PHF14: variants seen among roughly 807,000 people sequenced by gnomAD.
PHF14 encodes the protein PHD finger protein 14.
Under a neutral mutation model 117.9 loss-of-function variants are expected in PHF14, and 55 were observed. That is an observed-to-expected ratio of 0.47 (90% confidence interval 0.38 to 0.58). The LOEUF is 0.58. Ranked by LOEUF, PHF14 falls within the 20% of genes least tolerant of loss-of-function variation. The probability of loss-of-function intolerance (pLI) is 0.00; values close to 1 mark genes in which losing one functional copy is unlikely to be tolerated. For synonymous variants in PHF14, 409 were observed against 368.6 expected (o/e 1.11, Z -1.26); for missense variants, 978 against 1,122.2 (o/e 0.87, Z 1.84).
chr7:10,974,774 A>T (rs925021450), intron 1 of PHF14, 61 bp from the exon 2 acceptor site: 29 of 859,164 alleles, frequency 3.4e-5, no homozygotes, highest in Non-Finnish European at 4.8e-5. Flanking sequence ...TCTTAGCACC[A>T]CAACTCTCCC....
At chr7:11,151,849 CAT>C (rs1193796943) in intron 17 of PHF14, among the ~76,000 whole-genome samples, 6 of 152,102 alleles carry the variant, frequency 3.9e-5, no homozygotes, top group Admixed American at 3.9e-4. Flanking sequence ...TATTTTAAGA[CAT>C]AAGAACAGTC....
At chr7:11,163,576 C>G (rs76830840) in intron 17 of PHF14, among the ~76,000 whole-genome samples, 12,137 of 152,100 alleles carry the variant, frequency 0.08, 523 homozygotes, top group African/African-American at 0.11. Context: ...ACTTAATGAT[C>G]CAAGTGTTTA....
At chr7:11,000,742 T>A (rs867093221) in intron 4 of PHF14, among the ~76,000 whole-genome samples, 18 of 152,302 alleles carry the variant, frequency 1.2e-4, no homozygotes, top group Middle Eastern at 3.4e-3. Flanking sequence ...TAAGAGTTCC[T>A]TGTATATTTT....
At chr7:11,145,303 A>G (rs992164394) in intron 17 of PHF14, among the ~76,000 whole-genome samples, 3 of 148,292 alleles carry the variant, frequency 2.0e-5, no homozygotes, top group African/African-American at 7.5e-5. Context: ...CTCTTTTTTA[A>G]AATTCCATTG....
chr7:11,070,953 A>C (rs1785596080), intron 16 of PHF14, among the ~76,000 whole-genome samples: 1 of 152,212 alleles, frequency 6.6e-6, no homozygotes, highest in Non-Finnish European at 1.5e-5. Flanking sequence ...ATTTTTGAAA[A>C]TATAAAAACT....
intron 16 of PHF14, among the ~76,000 whole-genome samples, chr7:11,098,964 G>A (rs1363359336): frequency 6.6e-6 from 1 of 152,100 alleles, no homozygotes; most frequent in African/African-American, 2.4e-5. Flanking sequence ...GAAGGAATTA[G>A]AAAATTAAGT....
intron 17 of PHF14, among the ~76,000 whole-genome samples, chr7:11,135,423 AC>A (rs1193286665): frequency 6.6e-6 from 1 of 152,088 alleles, no homozygotes; most frequent in African/African-American, 2.4e-5. Flanking sequence ...ATAGATTAAT[AC>A]TTCTGAAGCA....
intron 17 of PHF14, among the ~76,000 whole-genome samples, chr7:11,161,614 A>G (rs1218775573): frequency 1.3e-5 from 2 of 150,874 alleles, no homozygotes; most frequent in Non-Finnish European, 3.0e-5. Flanking sequence ...TAGATTTTAG[A>G]TAACATTTTT....
chr7:10,999,522 A>G (rs1218352677), intron 4 of PHF14, among the ~76,000 whole-genome samples: 1 of 151,978 alleles, frequency 6.6e-6, no homozygotes, highest in Non-Finnish European at 1.5e-5. Context: ...CTCGCTCTCT[A>G]TTTTGTTGTT....
intron 17 of PHF14, among the ~76,000 whole-genome samples, chr7:11,119,494 GAC>G (rs1254206532): frequency 3.3e-5 from 5 of 151,682 alleles, no homozygotes; most frequent in Non-Finnish European, 7.4e-5. Context: ...GAGTGTGAGA[GAC>G]ATGTTCATTG....
intron 16 of PHF14, among the ~76,000 whole-genome samples, chr7:11,086,817 T>G (rs1028517944): frequency 6.6e-6 from 1 of 152,208 alleles, no homozygotes; most frequent in Non-Finnish European, 1.5e-5. Context: ...TTTAATTCAT[T>G]GTTTTCATGG....
intron 5 of PHF14, among the ~76,000 whole-genome samples, chr7:11,020,749 T>C (rs1783706844): frequency 6.6e-6 from 1 of 152,198 alleles, no homozygotes; most frequent in African/African-American, 2.4e-5. Context: ...CTAGACTTGT[T>C]ATATTTGAAA....
At chr7:11,073,848 G>A (rs1156572380) in intron 16 of PHF14, among the ~76,000 whole-genome samples, 1 of 152,188 alleles carries the variant, frequency 6.6e-6, no homozygotes. Context: ...TTAACAGCAT[G>A]TGGAAAACAC....
At chr7:10,982,345 G>GT (rs762099309) in intron 2 of PHF14, 27 bp from the exon 3 acceptor site, 23,647 of 1,215,244 alleles carry the variant, frequency 0.019, no homozygotes, top group South Asian at 0.027. Flanking sequence ...CATATGTGTG[G>GT]TTTTTTTTTT....
chr7:11,105,853 A>G (rs1215081886), intron 16 of PHF14: 23 of 984,536 alleles, frequency 2.3e-5, no homozygotes, highest in Admixed American at 1.2e-4. Flanking sequence ...ACACCCAGCA[A>G]TTATCTCATT....
intron 16 of PHF14, among the ~76,000 whole-genome samples, chr7:11,092,683 C>A (rs1786688722): frequency 6.6e-6 from 1 of 152,036 alleles, no homozygotes; most frequent in Admixed American, 6.6e-5. Flanking sequence ...CAGTGAATTG[C>A]CTTTTTGAAG....
intron 5 of PHF14, among the ~76,000 whole-genome samples, chr7:11,020,729 C>T (rs746122368): frequency 6.6e-6 from 1 of 151,966 alleles, no homozygotes; most frequent in Non-Finnish European, 1.5e-5. Flanking sequence ...AGTCTTAGTT[C>T]TGTCCCTTGC....
intron 4 of PHF14, among the ~76,000 whole-genome samples, chr7:10,997,520 A>C (rs1004754802): frequency 6.6e-6 from 1 of 152,232 alleles, no homozygotes; most frequent in Admixed American, 6.5e-5. Flanking sequence ...ATTATTTCAC[A>C]TGATTTCTAA....
At chr7:11,088,892 A>G (rs1018705885) in intron 16 of PHF14, among the ~76,000 whole-genome samples, 2 of 152,168 alleles carry the variant, frequency 1.3e-5, no homozygotes, top group African/African-American at 2.4e-5. Context: ...GTTTTATGTC[A>G]TAAGTATATG....
Sources: gnomAD v4.1 joint callset for allele counts (sites outside exome capture counted in the v4.1 genomes callset) on GRCh38, gnomAD v4.1.1 for gene constraint, MANE v1.5 for transcripts, NCBI Gene and HGNC (gene_info 2026-07-23, HGNC 2026-07-21) for gene names.